Variants in FRMD6 observed in about 807,000 individuals in gnomAD.
The protein encoded by FRMD6 is FERM domain containing 6.
In FRMD6, 37 loss-of-function variants were observed where a neutral mutation model predicts 73.2. The observed-to-expected ratio is 0.51, with a 90% confidence interval of 0.39 to 0.66. FRMD6 has a LOEUF of 0.66. FRMD6 is among the 30% of genes least tolerant of loss of function. The pLI is 0.00. For missense variants in FRMD6, 714 were observed against 780.5 expected (o/e 0.91, Z 1.02); for synonymous variants, 273 against 282.2 (o/e 0.97, Z 0.33).
chr14:51,688,942 T>C (rs540842395), intron 1 of FRMD6, among the ~76,000 whole-genome samples: 48 of 152,342 alleles, frequency 3.2e-4, no homozygotes, highest in Non-Finnish European at 5.7e-4. Context: ...ATATGTTTAA[T>C]AGAACTAATT....
intron 1 of FRMD6, chr14:51,547,844 C>T (rs1886561562): frequency 6.6e-6 from 1 of 151,096 alleles, no homozygotes; most frequent in African/African-American, 2.4e-5. Flanking sequence ...AGCATATTTC[C>T]CGAAGATCTT....
At chr14:51,483,774 A>G in the FRMD6 span, among the ~76,000 whole-genome samples, 1 of 152,276 alleles carries the variant, frequency 6.6e-6, no homozygotes, top group African/African-American at 2.4e-5. Flanking sequence ...TTTAAAGTCA[A>G]TATTTCATTT....
chr14:51,530,017 A>G, intron 1 of FRMD6, among the ~76,000 whole-genome samples: 1 of 152,234 alleles, frequency 6.6e-6, no homozygotes, highest in Non-Finnish European at 1.5e-5. Flanking sequence ...AGCTCCTACA[A>G]GCTCATGAGA....
At chr14:51,644,387 A>ACTCT (rs35312402) in intron 2 of FRMD6, among the ~76,000 whole-genome samples, 4 of 114,938 alleles carry the variant, frequency 3.5e-5, no homozygotes, top group Admixed American at 2.7e-4. Context: ...ACACACACAC[A>ACTCT]CTCACTCACT....
At chr14:51,578,300 GA>G (rs1888516372) in intron 2 of FRMD6, among the ~76,000 whole-genome samples, 1 of 152,098 alleles carries the variant, frequency 6.6e-6, no homozygotes, top group South Asian at 2.1e-4. Flanking sequence ...ATGCCACAAA[GA>G]ATATAAAGTA....
At chr14:51,492,121 C>A (rs1444623030) in intron 1 of FRMD6, among the ~76,000 whole-genome samples, 3 of 152,188 alleles carry the variant, frequency 2.0e-5, no homozygotes, top group Non-Finnish European at 4.4e-5. Context: ...CAGAGTCCTG[C>A]TTTAAGAGGA....
At chr14:51,525,405 A>T (rs1181697743) in intron 1 of FRMD6, among the ~76,000 whole-genome samples, 1 of 151,936 alleles carries the variant, frequency 6.6e-6, no homozygotes, top group Admixed American at 6.6e-5. Flanking sequence ...AGTAGCTGGG[A>T]CTACAGGTAT....
chr14:51,582,626 T>G (rs1353182895), intron 2 of FRMD6, among the ~76,000 whole-genome samples: 1 of 152,222 alleles, frequency 6.6e-6, no homozygotes, highest in African/African-American at 2.4e-5. Flanking sequence ...GAAGCCATGC[T>G]TGCTCTGAGA....
At chr14:51,652,150 T>G (rs1330812791) in intron 1 of FRMD6, 154 bp downstream of exon 1, 13 of 152,248 alleles carry the variant, frequency 8.5e-5, no homozygotes, top group Non-Finnish European at 1.0e-4. Context: ...GCGAAGGCAG[T>G]GCACCGCTCT....
At chr14:51,582,062 C>G (rs1343804080) in intron 2 of FRMD6, among the ~76,000 whole-genome samples, 1 of 152,202 alleles carries the variant, frequency 6.6e-6, no homozygotes. Context: ...ATTTATTTCT[C>G]TAGCCCAAGC....
the FRMD6 span, among the ~76,000 whole-genome samples, chr14:51,479,253 G>A: frequency 0.013 from 1,940 of 152,248 alleles, 49 homozygotes; most frequent in African/African-American, 0.044. Flanking sequence ...GTGCGCTAAA[G>A]GGTTGGTTTA....
At chr14:51,609,187 A>T (rs745658964) in intron 2 of FRMD6, among the ~76,000 whole-genome samples, 17 of 152,216 alleles carry the variant, frequency 1.1e-4, no homozygotes, top group Non-Finnish European at 2.2e-4. Flanking sequence ...CCTAGTTATG[A>T]ATATCCCAGT....
chr14:51,688,252 C>T (rs1327957998), intron 1 of FRMD6, among the ~76,000 whole-genome samples: 3 of 151,948 alleles, frequency 2.0e-5, no homozygotes, highest in East Asian at 3.9e-4. Flanking sequence ...CTGGCTATAA[C>T]CTAACATGAG....
chr14:51,485,653 G>T (rs1216585232), upstream of FRMD6, among the ~76,000 whole-genome samples: 1 of 152,034 alleles, frequency 6.6e-6, no homozygotes, highest in African/African-American at 2.4e-5. Context: ...CTGCATTTCT[G>T]TTCAATATGT....
intron 1 of FRMD6, among the ~76,000 whole-genome samples, chr14:51,532,700 A>G (rs1885659743): frequency 6.6e-6 from 1 of 152,054 alleles, no homozygotes; most frequent in South Asian, 2.1e-4. Context: ...ATAAACAACC[A>G]CCTACATTGA....
chr14:51,628,664 T>C (rs978613125), intron 2 of FRMD6, among the ~76,000 whole-genome samples: 1 of 151,482 alleles, frequency 6.6e-6, no homozygotes. Context: ...AGTACAAAAA[T>C]TAGCTGGGCA....
At chr14:51,566,340 C>T (rs538989318) in intron 1 of FRMD6, among the ~76,000 whole-genome samples, 3 of 152,268 alleles carry the variant, frequency 2.0e-5, no homozygotes, top group East Asian at 3.9e-4. Flanking sequence ...AGTAAAGAAT[C>T]GATTGTCCAG....
chr14:51,715,410 A>G lies in FRMD6; in HGVS notation c.935A>G (p.His312Arg), dbSNP rs1202976931. 5 of 1,613,486 alleles carry G rather than the reference A, an allele frequency of 3.1e-6. No individual in the cohort carries two copies. The highest frequency in any genetic ancestry group is 4.2e-6 in the Non-Finnish European group (5 of 1,179,768). The change falls in exon 10 of 14, where the codon CAC becomes CGC. Residue 312 changes from histidine to arginine, a missense_variant. His to Arg is a conservative substitution (Grantham distance 29, BLOSUM62 0). Transcript: ENST00000344768. Reference sequence around the variant, plus strand: ...ACGGGGTGCCCCATGCGCTCCAGACACCTCCTGCAACTTCTGAGCAACAGC... The same window carrying G: ...ACGGGGTGCCCCATGCGCTCCAGACGCCTCCTGCAACTTCTGAGCAACAGC... ...YYTGCPMRSR[H>R]LLQLLSNSHR... is the part of the protein sequence containing the mutation.
At chr14:51,432,527 G>A in the FRMD6 span, among the ~76,000 whole-genome samples, 1 of 152,264 alleles carries the variant, frequency 6.6e-6, no homozygotes, top group East Asian at 1.9e-4. Flanking sequence ...TATGAAACAT[G>A]AGGACCAATG....
Sources: allele counts gnomAD v4.1 joint callset (sites outside exome capture counted in the v4.1 genomes callset), GRCh38; gene constraint gnomAD v4.1.1; transcripts MANE v1.5; gene names NCBI Gene and HGNC (gene_info 2026-07-23, HGNC 2026-07-21).